Variants in SMAGP observed in about 807,000 individuals in gnomAD.
SMAGP encodes the protein small cell transmembrane and glycosylated protein.
In SMAGP, 7 loss-of-function variants were observed where a neutral mutation model predicts 10.1. The ratio of observed to expected loss-of-function variants is 0.70; its 90% CI spans 0.40 to 1.31. The LOEUF (loss-of-function observed/expected upper bound fraction) is 1.31, where lower values mean the gene tolerates loss of function less well. Ranked by LOEUF, SMAGP falls within the 50% of genes most tolerant of loss-of-function variation. SMAGP has a pLI of 0.01. For missense variants in SMAGP, 113 were observed against 116.5 expected (o/e 0.97, Z 0.14); for synonymous variants, 49 against 47.2 (o/e 1.04, Z -0.16).
rs5798164 is a variant in SMAGP at position 51,244,820 on chromosome 12, C to CTTTT, written c.*1117_*1120dup. 0.016 allele frequency: 1,505 copies of CTTTT among 92,024 alleles called. 120 individuals are homozygous for CTTTT. The highest frequency in any genetic ancestry group is 0.058 in the African/African-American group (1,326 of 22,912). 5.7% of individuals were successfully genotyped at this position (92,024 alleles called of 1,614,324 possible). A position where few individuals can be genotyped will look rare whatever the true frequency, so the allele number is the denominator to read the frequency against. ...TTGAACCAACTCATCTCCCAGGGTA[C>CTTTT]TTTTTTTTTTTTTTTTTTTTTTGAG... On this transcript the variant is annotated 3_prime_UTR_variant, in exon 4 of 4. Transcript: ENST00000603798.
chr12:51,258,024 A>G (rs1944901017), intron 2 of SMAGP, among the ~76,000 whole-genome samples: 1 of 152,174 alleles, frequency 6.6e-6, no homozygotes, highest in Admixed American at 6.5e-5. Context: ...AGCAATAGCC[A>G]GGCATGGTGG....
intron 2 of SMAGP, among the ~76,000 whole-genome samples, chr12:51,267,373 T>C (rs1019335793): frequency 1.3e-5 from 2 of 152,094 alleles, no homozygotes; most frequent in Admixed American, 6.6e-5. Flanking sequence ...AGATACCTGC[T>C]GCGCCCCTTT....
chr12:51,261,118 C>T (rs1490403826), intron 2 of SMAGP, among the ~76,000 whole-genome samples: 3 of 109,402 alleles, frequency 2.7e-5, no homozygotes, highest in Non-Finnish European at 3.7e-5. Context: ...TTTTCTGAGA[C>T]GGAGTCTCAC....
intron 2 of SMAGP, among the ~76,000 whole-genome samples, chr12:51,248,434 A>ACTCTCACTCTCTCTCTCTCTCTCTCT (rs1944804323): frequency 1.3e-5 from 1 of 77,468 alleles, no homozygotes; most frequent in African/African-American, 5.1e-5. Context: ...ACACACACAC[A>ACTCTCACTCTCTCTCTCTCTCTCTCT]CTCTCTCTCT....
intron 2 of SMAGP, among the ~76,000 whole-genome samples, chr12:51,263,919 T>C (rs1458661611): frequency 1.3e-5 from 2 of 152,030 alleles, no homozygotes; most frequent in Non-Finnish European, 2.9e-5. Flanking sequence ...TGTTATGCCA[T>C]TCAATTACTA....
rs375988755 is a variant in SMAGP, at chr12:51,246,704, T to C, written c.115+47A>G. On this transcript the variant is annotated intron_variant, in intron 3 of 3. Transcript: ENST00000603798. ...TGGTCAGGCTCCCTCTGGAGAGAGA[T>C]GCCCTTGATCCAGAAGGTCCCTTGG... The C allele has an allele frequency of 6.3e-4, 903 of 1,436,734 alleles. 13 individuals carry two copies. The South Asian group carries it at 0.011, about 18-fold the overall frequency. 89.0% of individuals were successfully genotyped at this position (1,436,734 alleles called of 1,614,324 possible).
At chr12:51,247,970 G>C (rs2137294707) in intron 2 of SMAGP, among the ~76,000 whole-genome samples, 1 of 152,340 alleles carries the variant, frequency 6.6e-6, no homozygotes, top group Middle Eastern at 3.4e-3. Flanking sequence ...CCTGGGAGCT[G>C]AAGCAGGGGT....
At chr12:51,266,780 A>G (rs569398658) in intron 2 of SMAGP, among the ~76,000 whole-genome samples, 1 of 152,302 alleles carries the variant, frequency 6.6e-6, no homozygotes, top group Admixed American at 6.5e-5. Flanking sequence ...TTGTCTGCGA[A>G]AAAATGGCTA....
chr12:51,254,471 C>T (rs1944869463), intron 2 of SMAGP, among the ~76,000 whole-genome samples: 1 of 152,040 alleles, frequency 6.6e-6, no homozygotes, highest in Admixed American at 6.6e-5. Context: ...CACTTGAACC[C>T]AGGAGGCGGA....
intron 2 of SMAGP, among the ~76,000 whole-genome samples, chr12:51,255,486 G>T (rs1944876730): frequency 6.6e-6 from 1 of 152,336 alleles, no homozygotes; most frequent in South Asian, 2.1e-4. Flanking sequence ...AGACCACCAT[G>T]TTGAGAGGAA....
In SMAGP at chr12:51,267,403, G is replaced by A. The variant is rs116812241; in HGVS notation, c.34+1842C>T. Among the ~76,000 whole-genome samples the A allele has an allele frequency of 4.1e-3, 623 of 151,542 alleles. 8 individuals carry two copies. Among genetic ancestry groups the A allele is most frequent in the African/African-American group, 0.014 (579 of 41,288 alleles). ...CCCTTTGCCTGTATGAACCTTGTCC[G>A]TCTTTCAAGGGCAAGACTCAGATCC... On this transcript the variant is annotated intron_variant, in intron 2 of 3. Coordinates refer to ENST00000603798, the MANE Select transcript of SMAGP (RefSeq NM_001031628.2).
chr12:51,253,489 AT>A (rs1944859023), intron 2 of SMAGP: 2 of 151,128 alleles, frequency 1.3e-5, no homozygotes, highest in Admixed American at 1.3e-4. Flanking sequence ...TCATAGGAGC[AT>A]TATGCAATAG....
intron 2 of SMAGP, among the ~76,000 whole-genome samples, chr12:51,253,024 C>T (rs1048591717): frequency 2.0e-5 from 3 of 152,094 alleles, no homozygotes; most frequent in East Asian, 1.9e-4. Context: ...AGAAAGGGGT[C>T]GGGAACCTGA....
intron 2 of SMAGP, among the ~76,000 whole-genome samples, chr12:51,249,972 A>G (rs1246478931): frequency 6.6e-6 from 1 of 152,066 alleles, no homozygotes; most frequent in Non-Finnish European, 1.5e-5. Flanking sequence ...AACTATATTA[A>G]CCAACATTGC....
chr12:51,246,332 T>G (rs762819095), intron 3 of SMAGP: 2 of 603,176 alleles, frequency 3.3e-6, no homozygotes, highest in Non-Finnish European at 5.4e-6. Context: ...TAAGGACACA[T>G]GCTTTTGATT....
chr12:51,261,064 C>T (rs892556797), intron 2 of SMAGP, among the ~76,000 whole-genome samples: 5 of 148,362 alleles, frequency 3.4e-5, no homozygotes, highest in Admixed American at 1.4e-4. Context: ...GCTAGAATTA[C>T]AGGTGTGAGC....
chr12:51,247,795 G>A (rs1944791536), intron 2 of SMAGP, among the ~76,000 whole-genome samples: 1 of 152,186 alleles, frequency 6.6e-6, no homozygotes, highest in Admixed American at 6.5e-5. Flanking sequence ...CTAGATGAAA[G>A]GTCGAGCAAA....
At chr12:51,265,857 C>T (rs1038890443) in intron 2 of SMAGP, among the ~76,000 whole-genome samples, 2 of 152,068 alleles carry the variant, frequency 1.3e-5, no homozygotes, top group Non-Finnish European at 2.9e-5. Flanking sequence ...CCGAGGTGGG[C>T]GGATCACGAG....
chr12:51,248,900 CAAAAAAAAAAAAAAAAAAA>C (rs545881552), intron 2 of SMAGP, among the ~76,000 whole-genome samples: 1 of 95,620 alleles, frequency 1.0e-5, no homozygotes, highest in Non-Finnish European at 2.0e-5. Context: ...AAAAATACCA[CAAAAAAAAAAAAAAAAAAA>C]AAAAAAAAAA....
Sources: gnomAD v4.1 joint callset for allele counts (sites outside exome capture counted in the v4.1 genomes callset) on GRCh38, gnomAD v4.1.1 for gene constraint, MANE v1.5 for transcripts, NCBI Gene and HGNC (gene_info 2026-07-23, HGNC 2026-07-21) for gene names.